UBXN11: variants seen among roughly 807,000 people sequenced by gnomAD.
UBXN11 encodes UBX domain-containing protein 11.
Under a neutral mutation model 62.8 loss-of-function variants are expected in UBXN11, and 47 were observed. That is an observed-to-expected ratio of 0.75 (90% CI 0.59 to 0.95). UBXN11 has a LOEUF of 0.95. Ranked by LOEUF, UBXN11 falls within the 40% of genes least tolerant of loss-of-function variation. The pLI, the probability that UBXN11 is intolerant of heterozygous loss-of-function variation, is 0.00. For missense variants in UBXN11, 638 were observed against 661.7 expected (o/e 0.96, Z 0.39); for synonymous variants, 294 against 267.0 (o/e 1.10, Z -0.99).
At chr1:26,303,538 C>T (rs1570132149) in intron 1 of UBXN11, among the ~76,000 whole-genome samples, 1 of 149,052 alleles carries the variant, frequency 6.7e-6, no homozygotes, top group Admixed American at 6.8e-5. Flanking sequence ...GCACGAGAAT[C>T]GCTTGAACCC....
At chr1:26,315,051 C>T (rs944633988) in intron 1 of UBXN11, among the ~76,000 whole-genome samples, 1 of 151,958 alleles carries the variant, frequency 6.6e-6, no homozygotes, top group Non-Finnish European at 1.5e-5. Flanking sequence ...ACTTGTACTC[C>T]AGCCTGGGTG....
intron 4 of UBXN11, among the ~76,000 whole-genome samples, chr1:26,300,199 C>T (rs1191112433): frequency 2.0e-5 from 3 of 152,170 alleles, no homozygotes; most frequent in Non-Finnish European, 2.9e-5. Flanking sequence ...GCAGCCACCA[C>T]ACTGAGCACC....
intron 8 of UBXN11, among the ~76,000 whole-genome samples, chr1:26,286,671 C>T (rs138849885): frequency 3.6e-5 from 4 of 111,194 alleles, no homozygotes; most frequent in African/African-American, 3.8e-5. Flanking sequence ...ATGGTCCTTA[C>T]GCCAACCCTG....
chr1:26,301,022 C>CT lies in UBXN11; in HGVS notation c.102dup (p.Asp35ArgfsTer2). ...CCATCACTCAACATGTCCACCTCATCTTCTGCAGACAGGGATGCCTAGGTC... is the reference window on the plus strand; with the variant it reads ...CCATCACTCAACATGTCCACCTCATCTTTCTGCAGACAGGGATGCCTAGGTC... On this transcript the variant is annotated frameshift_variant and splice_region_variant, in exon 4 of 15. Transcript: ENST00000374222. LOFTEE classifies it high-confidence loss of function. 1 of 1,614,250 alleles carries CT rather than the reference C, an allele frequency of 6.2e-7. No individual in the cohort carries two copies. The highest frequency in any genetic ancestry group is 8.5e-7 in the Non-Finnish European group (1 of 1,180,032).
upstream of UBXN11, among the ~76,000 whole-genome samples, chr1:26,308,012 A>G (rs1258975736): frequency 2.0e-5 from 3 of 152,180 alleles, no homozygotes; most frequent in Non-Finnish European, 4.4e-5. Flanking sequence ...CACGCCTGTA[A>G]TCCCAGCATT....
chr1:26,282,513 T>C lies in UBXN11; in HGVS notation c.1349A>G (p.Gln450Arg). The change falls in exon 15 of 15, where the codon CAG (glutamine) becomes CGG (arginine). Residue 450 changes from glutamine to arginine, a missense_variant. Coordinates refer to ENST00000374222, the MANE Select transcript of UBXN11 (RefSeq NM_001389556.1). ...IFSTFPPTLYQDDTLTLQAAG... is the reference protein window; with the variant it reads ...IFSTFPPTLYRDDTLTLQAAG... Reference sequence around the variant, plus strand: ...AGCCTGCAGCGTGAGTGTATCGTCCTGGTAGAGGGTGGGCGGGAATGTGCT... The same window carrying C: ...AGCCTGCAGCGTGAGTGTATCGTCCCGGTAGAGGGTGGGCGGGAATGTGCT... The C allele has an allele frequency of 6.3e-7, 1 of 1,598,494 alleles. No individual in the cohort carries two copies. Among genetic ancestry groups the C allele is most frequent in the East Asian group, 2.2e-5 (1 of 44,540 alleles).
chr1:26,285,226 G>T lies in UBXN11; in HGVS notation c.852+238C>A, dbSNP rs1570082692. ...AGCTGGGGAGGACTAGAAGGCAGGG[G>T]CCCCGCAGCCGAGGCTGTCTCCAGG... On this transcript the variant is annotated intron_variant, in intron 10 of 14. Transcript: ENST00000374222. 3.1e-6 allele frequency: 4 copies of T among 1,309,090 alleles called. No individual in the cohort carries two copies. The Admixed American group carries it at 1.0e-4, about 34-fold the overall frequency. The allele number at this position is 1,309,090 out of a possible 1,614,324, so 81.1% of individuals were successfully genotyped here. A position where few individuals can be genotyped will look rare whatever the true frequency, so the allele number is the denominator to read the frequency against.
At chr1:26,296,821 G>A in intron 7 of UBXN11, 98 bp downstream of exon 7, 1 of 1,270,848 alleles carries the variant, frequency 7.9e-7, no homozygotes, top group Non-Finnish European at 1.1e-6. Context: ...ACGAGGAGAG[G>A]CCCAGAGAGG....
At chr1:26,312,661 G>C (rs1450714444) in intron 1 of UBXN11, among the ~76,000 whole-genome samples, 1 of 151,752 alleles carries the variant, frequency 6.6e-6, no homozygotes, top group Non-Finnish European at 1.5e-5. Flanking sequence ...CTGACACACA[G>C]TAGGTGTCAA....
chr1:26,311,631 C>CAA (rs2073745713), upstream of UBXN11, among the ~76,000 whole-genome samples: 1 of 151,854 alleles, frequency 6.6e-6, no homozygotes, highest in Non-Finnish European at 1.5e-5. Flanking sequence ...TTAGTAGAGA[C>CAA]AGAGTTTCAC....
intron 1 of UBXN11, among the ~76,000 whole-genome samples, chr1:26,306,030 A>C (rs1223495365): frequency 6.6e-6 from 1 of 152,188 alleles, no homozygotes; most frequent in Non-Finnish European, 1.5e-5. Context: ...CTGAAGGCAA[A>C]GGCTGCATTT....
intron 7 of UBXN11, among the ~76,000 whole-genome samples, chr1:26,295,962 G>T (rs967681455): frequency 6.6e-6 from 1 of 152,256 alleles, no homozygotes; most frequent in African/African-American, 2.4e-5. Context: ...AGCCCTCACC[G>T]CCTGTGGCCA....
In UBXN11 at chr1:26,282,376, C is replaced by T. The variant is rs193142354; in HGVS notation, c.1486G>A (p.Gly496Ser). ...CCGGGACTGGGGCCGGGACCGGGAC[C>T]GGGACTGGGGCCGGGACCGGGACCG... The part of the protein sequence containing the change: ...CPGPGPGPSP[G>S]PGPGPSPGPG... The change falls in exon 15 of 15, where the codon GGT (glycine) becomes AGT (serine). Residue 496 changes from glycine (G) to serine (S), a missense_variant. Physicochemically the swap from Gly to Ser is moderately conservative, Grantham distance 56. Transcript: ENST00000374222. The T allele has an allele frequency of 2.0e-4, 52 of 264,998 alleles. 4 individuals carry two copies. In the South Asian group the frequency reaches 2.6e-3, roughly 13 times the overall value. 16.4% of individuals were successfully genotyped at this position (264,998 alleles called of 1,614,324 possible).
intron 8 of UBXN11, among the ~76,000 whole-genome samples, chr1:26,289,737 GCCAGACCCTA>G (rs1041429088): frequency 6.6e-6 from 1 of 152,186 alleles, no homozygotes; most frequent in Non-Finnish European, 1.5e-5. Context: ...CCAGAAGAGG[GCCAGACCCTA>G]CCATGCTCAG....
At chr1:26,294,066 G>C (rs2073337300) in intron 8 of UBXN11, 139 bp downstream of exon 8, 1 of 1,335,352 alleles carries the variant, frequency 7.5e-7, no homozygotes, top group Non-Finnish European at 1.0e-6. Flanking sequence ...TTGTCTCAGG[G>C]GCAAGTTGTG....
intron 8 of UBXN11, among the ~76,000 whole-genome samples, chr1:26,290,388 G>A (rs370723626): frequency 2.6e-4 from 40 of 152,322 alleles, no homozygotes; most frequent in African/African-American, 9.4e-4. Flanking sequence ...CTCAGCCAGA[G>A]CTTTTAGCCC....
exon 1 of UBXN11, chr1:26,318,154 A>G: frequency 8.6e-7 from 1 of 1,169,442 alleles, no homozygotes; most frequent in Admixed American, 1.8e-5. Context: ...GTGAGCTCCC[A>G]GAGACCCAGC....
At chr1:26,282,603 G>A in intron 14 of UBXN11, 34 bp from the exon 15 acceptor site, 1 of 1,612,098 alleles carries the variant, frequency 6.2e-7, no homozygotes, top group Non-Finnish European at 8.5e-7. Context: ...AGGCTGGGCA[G>A]TGGGACCAGA....
At chr1:26,312,371 G>A (rs555359303) in intron 1 of UBXN11, among the ~76,000 whole-genome samples, 12 of 152,022 alleles carry the variant, frequency 7.9e-5, no homozygotes, top group Non-Finnish European at 8.8e-5. Flanking sequence ...CTGCCTCAGC[G>A]TCCTGAGTAG....
Sources: gnomAD v4.1 joint callset for allele counts (sites outside exome capture counted in the v4.1 genomes callset) on GRCh38, gnomAD v4.1.1 for gene constraint, MANE v1.5 for transcripts, NCBI Gene and HGNC (gene_info 2026-07-23, HGNC 2026-07-21) for gene names.